Variants in MORN1 observed in about 807,000 individuals in gnomAD.
The protein encoded by MORN1 is MORN repeat-containing protein 1.
Under a neutral mutation model 61.9 loss-of-function variants are expected in MORN1, and 67 were observed. The observed-to-expected ratio is 1.08, with a 90% confidence interval of 0.89 to 1.33. The LOEUF is 1.33. Ranked by LOEUF, MORN1 falls within the 40% of genes most tolerant of loss-of-function variation. The pLI, the probability that MORN1 is intolerant of heterozygous loss-of-function variation, is 0.00. For synonymous variants in MORN1, 301 were observed against 292.0 expected (o/e 1.03, Z -0.31); for missense variants, 752 against 691.2 (o/e 1.09, Z -0.99).
chr1:2,378,073 G>GCAT (rs1291061443), intron 6 of MORN1: 2 of 152,346 alleles, frequency 1.3e-5, no homozygotes, highest in Non-Finnish European at 2.9e-5. Context: ...CCGGCCATTT[G>GCAT]CATCACTTCA....
At chr1:2,338,420 C>T (rs1045205569) in intron 10 of MORN1, among the ~76,000 whole-genome samples, 3 of 152,172 alleles carry the variant, frequency 2.0e-5, no homozygotes, top group Non-Finnish European at 4.4e-5. Context: ...CTTAACGCAC[C>T]GATGGTTTCC....
In MORN1 at chr1:2,335,981, C is replaced by T. The variant is rs375221959; in HGVS notation, c.1250+488G>A. ...CCCTGCATGTGCTGTGCCCGTAGCA[C>T]TGCCAGGCCCAGGATGGTGAGATGT... On this transcript the variant is annotated intron_variant, in intron 12 of 13. Transcript: ENST00000378531. Among the ~76,000 whole-genome samples, 40 of 152,328 alleles carry T rather than the reference C, an allele frequency of 2.6e-4. No individual in the cohort carries two copies. The East Asian group carries it at 3.5e-3, about 13-fold the overall frequency.
rs994215104 is a variant in MORN1, at chr1:2,386,012, C to T, written c.359-115G>A. 27 of 855,192 alleles carry T rather than the reference C, an allele frequency of 3.2e-5. No individual in the cohort carries two copies. In the Middle Eastern group the frequency reaches 9.9e-4, roughly 31 times the overall value. The allele number at this position is 855,192 out of a possible 1,614,324, so 53.0% of individuals were successfully genotyped here. A position where few individuals can be genotyped will look rare whatever the true frequency, so the allele number is the denominator to read the frequency against. On this transcript the variant is annotated intron_variant, in intron 4 of 13. Coordinates refer to ENST00000378531, the MANE Select transcript of MORN1 (RefSeq NM_024848.3). ...GGAGCAAAGTAGCAAGTCTAGGAGG[C>T]ATGGGGCTCAGGGCCCCCCAGGAAC...
rs1640946044 is a variant in MORN1 at position 2,324,154 on chromosome 1, GAC to G, written c.1251-13_1251-12del. On this transcript the variant is annotated splice_polypyrimidine_tract_variant and intron_variant, in intron 12 of 13. Coordinates refer to ENST00000378531, the MANE Select transcript of MORN1 (RefSeq NM_024848.3). ...GCTCTCCCCTCAGGCCTGTGGAGAC[GAC>G]ACAGTGAGGCCCCTGAATGCCCTGC... 12 of 1,593,824 alleles carry G rather than the reference GAC, an allele frequency of 7.5e-6. No individual in the cohort carries two copies. Among genetic ancestry groups the G allele is most frequent in the Non-Finnish European group, 1.0e-5 (12 of 1,171,444 alleles).
chr1:2,324,288 A>G (rs1640949524), intron 12 of MORN1, 145 bp from the exon 13 acceptor site: 1 of 792,064 alleles, frequency 1.3e-6, no homozygotes, highest in East Asian at 2.7e-5. Flanking sequence ...CCTCGGGGCC[A>G]TGGGCAGGAC....
rs757579711 is a variant in MORN1, at chr1:2,374,538, A to G, written c.557T>C (p.Val186Ala). 3 of 1,597,704 alleles carry G rather than the reference A, an allele frequency of 1.9e-6. No individual in the cohort carries two copies. The highest frequency in any genetic ancestry group is 2.6e-6 in the Non-Finnish European group (3 of 1,172,804). Residue 186 changes from valine to alanine, a missense_variant, in exon 7 of 14, where the codon GTC becomes GCC. Physicochemically the swap from Val to Ala is moderately conservative, Grantham distance 64 (BLOSUM62 0). Transcript: ENST00000378531. ...STYKGQWHSD[V>A]FSGLGSMAHC... Reference sequence around the variant, plus strand: ...GGCCATGCTGCCCAGTCCACTGAAGACGTCGCTGTGCCACTGTCCCTGCAG... The same window carrying G: ...GGCCATGCTGCCCAGTCCACTGAAGGCGTCGCTGTGCCACTGTCCCTGCAG...
intron 8 of MORN1, among the ~76,000 whole-genome samples, chr1:2,362,005 A>ACAGTG (rs1377962371): frequency 3.9e-5 from 6 of 152,354 alleles, no homozygotes; most frequent in African/African-American, 1.2e-4. Context: ...AGGCTGAGGC[A>ACAGTG]GGCGGATCAC....
Position 2,334,986 on chromosome 1 carries a change from T to C in MORN1, c.1250+1483A>G, listed in dbSNP as rs1012403415. Among the ~76,000 whole-genome samples, 4 of 152,248 alleles carry C rather than the reference T, an allele frequency of 2.6e-5. No homozygotes were observed. The highest frequency in any genetic ancestry group is 2.9e-5 in the Non-Finnish European group (2 of 68,038). ...GGCTTTTGGCTCTCGCAGACGCTCC[T>C]GAGGCCGAGTCACTGGGCAAACAGG... On this transcript the variant is annotated intron_variant, in intron 12 of 13. Coordinates refer to ENST00000378531, the MANE Select transcript of MORN1 (RefSeq NM_024848.3). The surrounding 1 kb of genome is among the most constrained non-coding windows in gnomAD (Gnocchi z 5.4).
At chr1:2,380,239 T>A (rs1642341560) in intron 6 of MORN1, among the ~76,000 whole-genome samples, 1 of 152,144 alleles carries the variant, frequency 6.6e-6, no homozygotes, top group South Asian at 2.1e-4. Context: ...GAGTTCGTGC[T>A]GGATGGGGAC....
At chr1:2,351,946 G>T in intron 10 of MORN1, 1 of 517,340 alleles carries the variant, frequency 1.9e-6, no homozygotes, top group Non-Finnish European at 3.8e-6. Context: ...CCACCAATTG[G>T]GCTTCCCTCT....
At chr1:2,332,525 C>A (rs1305357173) in intron 12 of MORN1, 2 of 443,740 alleles carry the variant, frequency 4.5e-6, no homozygotes, top group East Asian at 1.4e-4. Context: ...ACGCAGGCCG[C>A]TAGGACCTGG....
intron 3 of MORN1, 36 bp downstream of exon 3, chr1:2,388,203 G>T: frequency 1.3e-6 from 2 of 1,536,520 alleles, no homozygotes; most frequent in Non-Finnish European, 9.0e-7. Flanking sequence ...TGGGTTATGA[G>T]AAAGGAGTGA....
chr1:2,341,413 G>C (rs557330639), intron 10 of MORN1, among the ~76,000 whole-genome samples: 3 of 152,118 alleles, frequency 2.0e-5, no homozygotes, highest in Admixed American at 6.5e-5. Flanking sequence ...AGGCTAAAAG[G>C]GGCCGGGCGT....
intron 13 of MORN1, 104 bp downstream of exon 13, chr1:2,323,993 G>A (rs1389784022): frequency 2.7e-6 from 4 of 1,465,848 alleles, no homozygotes; most frequent in Middle Eastern, 4.9e-4. Context: ...ACCTCTGGGG[G>A]CCCCGGGCCG....
chr1:2,345,059 C>A (rs1247172017), intron 10 of MORN1, among the ~76,000 whole-genome samples: 1 of 152,154 alleles, frequency 6.6e-6, no homozygotes, highest in Non-Finnish European at 1.5e-5. Flanking sequence ...GCCCCGAAGA[C>A]AGTGTCAGCC....
chr1:2,332,436 T>G, intron 12 of MORN1: 1 of 359,094 alleles, frequency 2.8e-6, no homozygotes, highest in Non-Finnish European at 5.5e-6. Flanking sequence ...GTTCTTCCAG[T>G]GGGATGGGCG....
intron 8 of MORN1, among the ~76,000 whole-genome samples, chr1:2,360,438 G>A (rs1041124301): frequency 9.9e-5 from 15 of 152,164 alleles, no homozygotes; most frequent in South Asian, 4.1e-4. Context: ...AACAAACGGC[G>A]TGGACTCTAT....
intron 12 of MORN1, chr1:2,332,647 C>T (rs1288993664): frequency 1.3e-5 from 6 of 456,450 alleles, no homozygotes; most frequent in Non-Finnish European, 2.6e-5. Flanking sequence ...TGGAAGGGGT[C>T]ACACTCCCGT....
At chr1:2,368,788 G>A (rs182274036) in intron 8 of MORN1, among the ~76,000 whole-genome samples, 1 of 152,338 alleles carries the variant, frequency 6.6e-6, no homozygotes, top group East Asian at 1.9e-4. Context: ...GGCCAGCACG[G>A]TGGCTCATGC....
Sources: gnomAD v4.1 joint callset for allele counts (sites outside exome capture counted in the v4.1 genomes callset) on GRCh38, gnomAD v4.1.1 for gene constraint, Gnocchi (gnomAD v3.1) non-coding constraint, MANE v1.5 for transcripts, NCBI Gene and HGNC (gene_info 2026-07-23, HGNC 2026-07-21) for gene names.